PMM2: variants seen among roughly 807,000 people sequenced by gnomAD.
PMM2 encodes the protein phosphomannomutase 2.
A neutral mutation model predicts 33.2 loss-of-function variants in PMM2; 35 were observed. The ratio of observed to expected loss-of-function variants is 1.06; its 90% CI spans 0.81 to 1.40. The LOEUF is 1.40. PMM2 is among the 40% of genes most tolerant of loss of function. The pLI is 0.00. For missense variants in PMM2, 386 were observed against 306.0 expected, an observed-to-expected ratio of 1.26 and a Z score of -1.95; for synonymous variants, 153 against 114.7, an observed-to-expected ratio of 1.33 and a Z score of -2.13.
At chr16:8,824,132 T>G (rs1423767260) in intron 7 of PMM2, among the ~76,000 whole-genome samples, 3 of 152,224 alleles carry the variant, frequency 2.0e-5, no homozygotes, top group African/African-American at 7.2e-5. Flanking sequence ...ACTCAATTGT[T>G]AAAGTTGTAA....
chr16:8,848,186 G>A lies in PMM2; in HGVS notation c.*361G>A. ...AAACTGTGCCTGGACCCTCCCTCTT[G>A]GTGGGTCTGTGGAAACATAAGCGGT... On this transcript the variant is annotated 3_prime_UTR_variant, in exon 8 of 8. Coordinates refer to ENST00000268261, the MANE Select transcript of PMM2 (RefSeq NM_000303.3). 3.6e-6 allele frequency: 1 copy of A among 275,424 alleles called. No individual in the cohort carries two copies. Among genetic ancestry groups the A allele is most frequent in the South Asian group, 3.9e-5 (1 of 25,870 alleles). The allele number at this position is 275,424 out of a possible 1,614,324, so 17.1% of individuals were successfully genotyped here. A position where few individuals can be genotyped will look rare whatever the true frequency, so the allele number is the denominator to read the frequency against.
intron 7 of PMM2, chr16:8,832,847 C>T: frequency 1.0e-6 from 1 of 985,440 alleles, no homozygotes; most frequent in Non-Finnish European, 1.2e-6. Flanking sequence ...CTGATGGCCA[C>T]ATGGCCTGTG....
chr16:8,814,919 C>G (rs2060698039), intron 7 of PMM2, among the ~76,000 whole-genome samples: 1 of 152,190 alleles, frequency 6.6e-6, no homozygotes, highest in Admixed American at 6.5e-5. Flanking sequence ...GTTTGTCCAA[C>G]AGATCTGTAG....
At chr16:8,821,323 C>G (rs971611411) in intron 7 of PMM2, among the ~76,000 whole-genome samples, 2 of 152,170 alleles carry the variant, frequency 1.3e-5, no homozygotes. Flanking sequence ...GGGTGTCATG[C>G]ATGGGAGCCA....
chr16:8,818,181 C>T (rs1365214160), intron 7 of PMM2, among the ~76,000 whole-genome samples: 1 of 151,678 alleles, frequency 6.6e-6, no homozygotes, highest in Non-Finnish European at 1.5e-5. Context: ...GGATTACAGG[C>T]GTGAGCCACT....
chr16:8,840,386 CAG>C (rs1160365564), intron 7 of PMM2, among the ~76,000 whole-genome samples: 1 of 151,882 alleles, frequency 6.6e-6, no homozygotes, highest in Non-Finnish European at 1.5e-5. Flanking sequence ...CTTGAAGAAA[CAG>C]TGTAAACCGG....
At position 8,813,095 on chromosome 16, in the gene PMM2, A is replaced by C; in HGVS notation, c.628A>C (p.Lys210Gln). 1 of 1,588,394 alleles carries C rather than the reference A, an allele frequency of 6.3e-7. No homozygotes were observed. The highest frequency in any genetic ancestry group is 8.6e-7 in the Non-Finnish European group (1 of 1,156,468). ...TAAGACCATTTATTTCTTTGGAGAC[A>C]AAACTATGCCAGTAAGTAGAGAAGT... ...GYKTIYFFGD[K>Q]TMPGGNDHEI... Residue 210 changes from lysine (K) to glutamine (Q), a missense_variant, in exon 7 of 8, where the codon AAA becomes CAA. By Grantham distance (53) the Lys-to-Gln change is moderately conservative. Transcript: ENST00000268261.
At chr16:8,799,827 T>C (rs537549750) in intron 1 of PMM2, among the ~76,000 whole-genome samples, 79 of 152,100 alleles carry the variant, frequency 5.2e-4, no homozygotes, top group Non-Finnish European at 1.0e-3. Flanking sequence ...ATTACAGGCG[T>C]GAGCCACCGT....
At position 8,813,114 on chromosome 16, in the gene PMM2, G is replaced by C. The variant is rs1251584667; in HGVS notation, c.639+8G>C. On this transcript the variant is annotated splice_region_variant and intron_variant, in intron 7 of 7. Transcript: ENST00000268261. The stretch of plus-strand genomic sequence containing the variant: ...GGAGACAAAACTATGCCAGTAAGTA[G>C]AGAAGTGTTTGTGCACCTTCATTGT... 1.3e-6 allele frequency: 2 copies of C among 1,517,488 alleles called. No individual in the cohort carries two copies. Among genetic ancestry groups the C allele is most frequent in the African/African-American group, 1.4e-5 (1 of 73,114 alleles). The allele number at this position is 1,517,488 out of a possible 1,614,324, so 94.0% of individuals were successfully genotyped here.
At chr16:8,802,410 C>G in intron 2 of PMM2, 1 of 406,298 alleles carries the variant, frequency 2.5e-6, no homozygotes, top group Middle Eastern at 3.6e-4. Flanking sequence ...CTGAGAGATT[C>G]TAGTGTACAA....
intron 7 of PMM2, among the ~76,000 whole-genome samples, chr16:8,829,599 G>C (rs1470047056): frequency 1.3e-5 from 2 of 152,210 alleles, no homozygotes; most frequent in South Asian, 2.1e-4. Context: ...GTTGGTCTCT[G>C]TCATCTTTGA....
chr16:8,804,491 A>G (rs1284775234), intron 2 of PMM2, among the ~76,000 whole-genome samples: 4 of 152,068 alleles, frequency 2.6e-5, no homozygotes, highest in African/African-American at 9.7e-5. Flanking sequence ...ATCTTCCTCT[A>G]CAGACAGTCA....
chr16:8,836,937 G>T lies in PMM2; in HGVS notation c.640-10787G>T, dbSNP rs535727105. Among the ~76,000 whole-genome samples, 269 of 152,168 alleles carry T rather than the reference G, an allele frequency of 1.8e-3. 2 individuals carry two copies. The highest frequency in any genetic ancestry group is 6.8e-3 in the Middle Eastern group (2 of 294). On this transcript the variant is annotated intron_variant, in intron 7 of 7. Coordinates refer to ENST00000268261, the MANE Select transcript of PMM2 (RefSeq NM_000303.3). ...TTCAAGAGTAAATTGCTGGGCAGGTGGGGGAGGGCCAGTCACAGAATGAAC... is the reference window on the plus strand; with the variant it reads ...TTCAAGAGTAAATTGCTGGGCAGGTTGGGGAGGGCCAGTCACAGAATGAAC...
At chr16:8,837,449 G>T (rs901271843) in intron 7 of PMM2, among the ~76,000 whole-genome samples, 2 of 151,736 alleles carry the variant, frequency 1.3e-5, no homozygotes, top group African/African-American at 4.8e-5. Context: ...TAAGGGAGAA[G>T]AAAGGAATGG....
chr16:8,830,933 G>A (rs1367637907), intron 7 of PMM2, among the ~76,000 whole-genome samples: 1 of 152,212 alleles, frequency 6.6e-6, no homozygotes, highest in Non-Finnish European at 1.5e-5. Context: ...GAGGCCGGGA[G>A]TTTGACACCA....
intron 7 of PMM2, among the ~76,000 whole-genome samples, chr16:8,846,189 A>G (rs2060924655): frequency 6.6e-6 from 1 of 151,984 alleles, no homozygotes; most frequent in East Asian, 1.9e-4. Context: ...CCTGAAATTC[A>G]CCTCCACCTG....
rs557891146 is a variant in PMM2 at position 8,821,347 on chromosome 16, T to C, written c.639+8241T>C. On this transcript the variant is annotated intron_variant, in intron 7 of 7. Transcript: ENST00000268261. ...GCATGGGAGCCACGAGCTTCAGATG[T>C]TCCTGCTAGCCCACCTTCCTCCTGA... Among the ~76,000 whole-genome samples the C allele has an allele frequency of 2.6e-5, 4 of 152,262 alleles. No individual in the cohort carries two copies. In the East Asian group the frequency reaches 7.7e-4, roughly 29 times the overall value.
At position 8,818,769 on chromosome 16, in the gene PMM2, T is replaced by C. The variant is rs111550553; in HGVS notation, c.639+5663T>C. Among the ~76,000 whole-genome samples the C allele has an allele frequency of 4.6e-3, 684 of 149,728 alleles. 12 individuals carry two copies. The highest frequency in any genetic ancestry group is 0.017 in the African/African-American group (653 of 39,122). On this transcript the variant is annotated intron_variant, in intron 7 of 7. Coordinates refer to ENST00000268261, the MANE Select transcript of PMM2 (RefSeq NM_000303.3). ...ATATTTGCCATCTTCAGAAACCCTG[T>C]CATTCTTCCCATCAGCCACAAAAGC...
At chr16:8,816,736 G>A (rs1445738135) in intron 7 of PMM2, among the ~76,000 whole-genome samples, 5 of 151,936 alleles carry the variant, frequency 3.3e-5, no homozygotes, top group Non-Finnish European at 7.4e-5. Context: ...AGCGAAACTC[G>A]GTCTCAAAAA....
Sources: gnomAD v4.1 joint callset for allele counts (sites outside exome capture counted in the v4.1 genomes callset) on GRCh38, gnomAD v4.1.1 for gene constraint, MANE v1.5 for transcripts, NCBI Gene and HGNC (gene_info 2026-07-23, HGNC 2026-07-21) for gene names.